The following LLGL2 variants were observed in gnomAD, a reference collection of about 807,000 sequenced individuals.
LLGL2 encodes the protein LLGL2, scribble cell polarity complex component.
LLGL2 carries 81 observed loss-of-function variants against 123.2 expected under a neutral mutation model. The observed-to-expected ratio is 0.66, with a 90% CI of 0.55 to 0.79. The LOEUF (loss-of-function observed/expected upper bound fraction) is 0.79, where lower values mean the gene tolerates loss of function less well. Among genes scored for constraint, LLGL2 ranks in the 30% least tolerant of loss-of-function variants. LLGL2 has a pLI of 0.00. For synonymous variants in LLGL2, 577 were observed against 594.1 expected, an observed-to-expected ratio of 0.97 and a Z score of 0.42; for missense variants, 1,273 against 1,414.6, an observed-to-expected ratio of 0.90 and a Z score of 1.61.
At chr17:75,531,481 T>A (rs536526366) in intron 1 of LLGL2, among the ~76,000 whole-genome samples, 1 of 152,360 alleles carries the variant, frequency 6.6e-6, no homozygotes, top group South Asian at 2.1e-4. Flanking sequence ...TGAGCAGCAC[T>A]GGCAGCCTGG....
rs891470533 is a variant in LLGL2, at chr17:75,570,375, G to A, written c.1902G>A (p.Leu634=). Residue 634 remains leucine, a synonymous_variant, in exon 16 of 26, where the codon CTG becomes CTA. Coordinates refer to ENST00000392550, the MANE Select transcript of LLGL2 (RefSeq NM_001031803.2). ...VKCTLHPSDQ[L]ALEGPLSRVK... is the part of the protein sequence containing the mutation. ...GCACACTGCACCCCAGTGACCAGCT[G>A]GCCTTGGAGGGCCCACTCTCCCGCG... The A allele has an allele frequency of 1.2e-6, 2 of 1,611,790 alleles. No individual in the cohort carries two copies. Among genetic ancestry groups the A allele is most frequent in the Admixed American group, 3.3e-5 (2 of 59,834 alleles).
At position 75,569,212 on chromosome 17, in the gene LLGL2, C is replaced by T. The variant is rs1210313171; in HGVS notation, c.1477-9C>T. 1.2e-6 allele frequency: 2 copies of T among 1,613,146 alleles called. No homozygotes were observed. The highest frequency in any genetic ancestry group is 1.7e-6 in the Non-Finnish European group (2 of 1,179,656). On this transcript the variant is annotated splice_polypyrimidine_tract_variant and intron_variant, in intron 13 of 25. Coordinates refer to ENST00000392550, the MANE Select transcript of LLGL2 (RefSeq NM_001031803.2). The stretch of plus-strand genomic sequence containing the variant: ...CGTGGCTGCTCACAGGGCCCCTCCC[C>T]TTCTCCAGGTGGGCTCCTTTGACCC...
rs955849979 is a variant in LLGL2 at position 75,564,546 on chromosome 17, TG to T, written c.1036+42del. 2 of 1,611,010 alleles carry T rather than the reference TG, an allele frequency of 1.2e-6. No individual in the cohort carries two copies. Among genetic ancestry groups the T allele is most frequent in the African/African-American group, 2.7e-5 (2 of 74,816 alleles). On this transcript the variant is annotated intron_variant, in intron 10 of 25. Coordinates refer to ENST00000392550, the MANE Select transcript of LLGL2 (RefSeq NM_001031803.2). This position sits in a 1 kb window ranked among gnomAD's most constrained non-coding sequence, Gnocchi z 4.9. Reference sequence around the variant, plus strand: ...GGGAGTGGGTGCCCAGGGTTAGGTGTGGGAGGCATGGGGCAGGACCATCAGT... The same window carrying T: ...GGGAGTGGGTGCCCAGGGTTAGGTGTGGAGGCATGGGGCAGGACCATCAGT...
chr17:75,571,141 G>T, intron 17 of LLGL2, 41 bp downstream of exon 17: 1 of 1,012,084 alleles, frequency 9.9e-7, no homozygotes, highest in African/African-American at 1.6e-5. Flanking sequence ...GGGGTAGTGG[G>T]CAGCAGACAC....
At chr17:75,528,332 G>T (rs915686721) in intron 1 of LLGL2, among the ~76,000 whole-genome samples, 4 of 152,010 alleles carry the variant, frequency 2.6e-5, no homozygotes, top group Non-Finnish European at 5.9e-5. Context: ...AGCCAAGATG[G>T]TCTCGATCTC....
intron 6 of LLGL2, among the ~76,000 whole-genome samples, chr17:75,561,062 C>T (rs2055197988): frequency 6.6e-6 from 1 of 152,100 alleles, no homozygotes; most frequent in African/African-American, 2.4e-5. Flanking sequence ...GAACTCCTGA[C>T]CTCAGGTGAT....
At chr17:75,555,463 A>G (rs954661225) in intron 2 of LLGL2, among the ~76,000 whole-genome samples, 1 of 152,042 alleles carries the variant, frequency 6.6e-6, no homozygotes, top group East Asian at 1.9e-4. Flanking sequence ...AAAAACACGT[A>G]TGTGCAACGA....
rs889640188 is a variant in LLGL2 at position 75,527,142 on chromosome 17, C to T, written c.-31+1317C>T. On this transcript the variant is annotated intron_variant, in intron 1 of 25. Transcript: ENST00000392550. ...CATGATGGCGCCACCACACTCCAGCCTGGGGACAGAGTGAGACCCTGTCTC... is the reference window on the plus strand; with the variant it reads ...CATGATGGCGCCACCACACTCCAGCTTGGGGACAGAGTGAGACCCTGTCTC... Among the ~76,000 whole-genome samples the T allele has an allele frequency of 7.5e-4, 104 of 138,844 alleles. 1 individual carries two copies. The highest frequency in any genetic ancestry group is 2.8e-3 in the African/African-American group (102 of 36,702). The allele number at this position is 138,844 out of a possible 152,430, so 91.1% of individuals were successfully genotyped here. A position where few individuals can be genotyped will look rare whatever the true frequency, so the allele number is the denominator to read the frequency against.
At chr17:75,574,307 G>C (rs968075784) in intron 23 of LLGL2, 47 bp downstream of exon 23, 7 of 1,488,652 alleles carry the variant, frequency 4.7e-6, no homozygotes, top group Non-Finnish European at 5.4e-6. Flanking sequence ...GGTGGGGAAG[G>C]GGGGTCAGGG....
At chr17:75,546,569 G>A (rs2054434825) in intron 2 of LLGL2, among the ~76,000 whole-genome samples, 1 of 55,506 alleles carries the variant, frequency 1.8e-5, no homozygotes, top group African/African-American at 5.1e-5. Context: ...CAGACAGGCG[G>A]AGGGCAGGTC....
In LLGL2 at chr17:75,544,848, G is replaced by A. The variant is rs2054355933; in HGVS notation, c.75+1347G>A. 6.6e-6 allele frequency among the ~76,000 whole-genome samples: 1 copy of A among 152,146 alleles called. No homozygotes were observed. The highest frequency in any genetic ancestry group is 6.5e-5 in the Admixed American group (1 of 15,272). ...CGAGGACATTTGCCTCTGGAATTAG[G>A]GCTTTCCTATCCCAACGTGCCTCCT... On this transcript the variant is annotated intron_variant, in intron 2 of 25. Coordinates refer to ENST00000392550, the MANE Select transcript of LLGL2 (RefSeq NM_001031803.2). The surrounding 1 kb of genome is among the most constrained non-coding windows in gnomAD (Gnocchi z 4.2).
At position 75,558,867 on chromosome 17, in the gene LLGL2, C is replaced by CTGGAGGGTCCCTGGCGT; in HGVS notation, c.371+240_371+241insTGGAGGGTCCCTGGCGT. On this transcript the variant is annotated intron_variant, in intron 5 of 25. Coordinates refer to ENST00000392550, the MANE Select transcript of LLGL2 (RefSeq NM_001031803.2). The surrounding 1 kb of genome is among the most constrained non-coding windows in gnomAD (Gnocchi z 4.0). ...CCCCACCTCCTCCATCCGCACCCCG[C>CTGGAGGGTCCCTGGCGT]CTCCTCCATCCGCACCCCACCTCCT... The CTGGAGGGTCCCTGGCGT allele has an allele frequency of 5.1e-6, 1 of 194,990 alleles. No homozygotes were observed. 12.1% of individuals were successfully genotyped at this position (194,990 alleles called of 1,614,324 possible). A position where few individuals can be genotyped will look rare whatever the true frequency, so the allele number is the denominator to read the frequency against.
In LLGL2 at chr17:75,563,822, G is replaced by C; in HGVS notation, c.881+16G>C. 1.2e-6 allele frequency: 2 copies of C among 1,613,380 alleles called. No individual in the cohort carries two copies. Among genetic ancestry groups the C allele is most frequent in the Non-Finnish European group, 1.7e-6 (2 of 1,179,656 alleles). On this transcript the variant is annotated intron_variant, in intron 9 of 25. Transcript: ENST00000392550. ...CTAGGCAGGGGTAGGTATCCATGCTGGTCCTCTTTCCTCTCCAGAGCCTTC... is the reference window on the plus strand; with the variant it reads ...CTAGGCAGGGGTAGGTATCCATGCTCGTCCTCTTTCCTCTCCAGAGCCTTC...
At chr17:75,542,199 C>A (rs1242387391) in intron 1 of LLGL2, among the ~76,000 whole-genome samples, 1 of 152,124 alleles carries the variant, frequency 6.6e-6, no homozygotes, top group East Asian at 1.9e-4. Context: ...TTTGCCACCT[C>A]CCAAGAACGC....
chr17:75,564,702 A>G lies in LLGL2; in HGVS notation c.1036+195A>G, dbSNP rs558338878. 1 of 854,378 alleles carries G rather than the reference A, an allele frequency of 1.2e-6. No homozygotes were observed. The highest frequency in any genetic ancestry group is 2.9e-5 in the East Asian group (1 of 34,506). The allele number at this position is 854,378 out of a possible 1,614,324, so 52.9% of individuals were successfully genotyped here. ...ACGTAGGGAGACCCTTGTCTCTACA[A>G]AAAATAAAAAAATTAGCCAGGTGTT... On this transcript the variant is annotated intron_variant, in intron 10 of 25. Coordinates refer to ENST00000392550, the MANE Select transcript of LLGL2 (RefSeq NM_001031803.2). The surrounding 1 kb of genome is among the most constrained non-coding windows in gnomAD (Gnocchi z 4.9).
rs1309988239 is a variant in LLGL2, at chr17:75,543,615, A to G, written c.75+114A>G. 4 of 704,982 alleles carry G rather than the reference A, an allele frequency of 5.7e-6. No individual in the cohort carries two copies. In the Admixed American group the frequency reaches 1.4e-4, roughly 24 times the overall value. 43.7% of individuals were successfully genotyped at this position (704,982 alleles called of 1,614,324 possible). A position where few individuals can be genotyped will look rare whatever the true frequency, so the allele number is the denominator to read the frequency against. ...GTATAGCTCTTATGTGACTGCCTGC[A>G]GTGCCTCTTGGGACTCAGACTTTGG... On this transcript the variant is annotated intron_variant, in intron 2 of 25. Transcript: ENST00000392550.
intron 2 of LLGL2, among the ~76,000 whole-genome samples, chr17:75,555,071 G>A (rs2054844716): frequency 6.7e-6 from 1 of 149,510 alleles, no homozygotes; most frequent in South Asian, 2.1e-4. Flanking sequence ...CAGCTACTCG[G>A]AAGGCTGAGG....
chr17:75,535,325 AAGAGG>A (rs1187359685), intron 1 of LLGL2, among the ~76,000 whole-genome samples: 2 of 151,878 alleles, frequency 1.3e-5, no homozygotes, highest in Non-Finnish European at 2.9e-5. Flanking sequence ...AGCACGAGCG[AAGAGG>A]AGAGGAGAGC....
chr17:75,530,286 T>C (rs779981547), intron 1 of LLGL2, among the ~76,000 whole-genome samples: 6 of 152,098 alleles, frequency 3.9e-5, no homozygotes, highest in Non-Finnish European at 8.8e-5. Context: ...GAGGATTGCT[T>C]GAACCCAGGA....
Sources: gnomAD v4.1 joint callset for allele counts (sites outside exome capture counted in the v4.1 genomes callset) on GRCh38, gnomAD v4.1.1 for gene constraint, Gnocchi (gnomAD v3.1) non-coding constraint, MANE v1.5 for transcripts, NCBI Gene and HGNC (gene_info 2026-07-23, HGNC 2026-07-21) for gene names.